CHN2: variants seen among roughly 807,000 people sequenced by gnomAD.
The protein encoded by CHN2 is chimerin 2.
A neutral mutation model predicts 56.3 loss-of-function variants in CHN2; 35 were observed. The observed-to-expected ratio is 0.62, with a 90% CI of 0.47 to 0.82. The LOEUF is 0.82. CHN2 is among the 40% of genes least tolerant of loss of function. CHN2 has a pLI of 0.00. For missense variants in CHN2, 491 were observed against 580.5 expected (o/e 0.85, Z 1.58); for synonymous variants, 210 against 212.8 (o/e 0.99, Z 0.12).
At chr7:29,477,189 C>T (rs1304534539) in intron 6 of CHN2, among the ~76,000 whole-genome samples, 1 of 152,130 alleles carries the variant, frequency 6.6e-6, no homozygotes, top group Non-Finnish European at 1.5e-5. Context: ...CAGTAATGCT[C>T]GCTCAAAGGC....
intron 1 of CHN2, among the ~76,000 whole-genome samples, chr7:29,206,318 A>G (rs979439049): frequency 1.3e-5 from 2 of 152,158 alleles, no homozygotes. Flanking sequence ...AAAAAACTCT[A>G]TCGCCCAGGC....
chr7:29,315,430 A>G (rs1013941921), intron 1 of CHN2, among the ~76,000 whole-genome samples: 2 of 152,232 alleles, frequency 1.3e-5, no homozygotes, highest in African/African-American at 4.8e-5. Context: ...GGAGTAATAC[A>G]TAGCTACAGT....
chr7:29,189,855 C>A (rs912761257), upstream of CHN2, among the ~76,000 whole-genome samples: 1 of 152,262 alleles, frequency 6.6e-6, no homozygotes, highest in East Asian at 1.9e-4. Context: ...GTGAGAAAGA[C>A]GATGCAGGAA....
intron 1 of CHN2, among the ~76,000 whole-genome samples, chr7:29,302,238 A>G (rs193173175): frequency 1.3e-5 from 2 of 151,682 alleles, no homozygotes; most frequent in East Asian, 3.9e-4. Context: ...TGCTGCAGCT[A>G]CTTCTGCTTC....
At chr7:29,512,500 A>G in intron 12 of CHN2, 64 bp from the exon 13 acceptor site, 1 of 1,419,280 alleles carries the variant, frequency 7.0e-7, no homozygotes, top group Non-Finnish European at 9.6e-7. Flanking sequence ...TACATACATA[A>G]TCAATACATA....
intron 6 of CHN2, among the ~76,000 whole-genome samples, chr7:29,477,747 G>A (rs909595736): frequency 1.3e-5 from 2 of 152,252 alleles, no homozygotes; most frequent in African/African-American, 4.8e-5. Context: ...TAAGAGAGTA[G>A]ACCCCTGGAG....
intron 2 of CHN2, among the ~76,000 whole-genome samples, chr7:29,364,128 GATA>G (rs1798954087): frequency 6.6e-6 from 1 of 152,170 alleles, no homozygotes; most frequent in Non-Finnish European, 1.5e-5. Context: ...TATCCAGAAT[GATA>G]ATGACACAAA....
intron 6 of CHN2, among the ~76,000 whole-genome samples, chr7:29,437,249 GA>G (rs1467211701): frequency 6.6e-6 from 1 of 152,182 alleles, no homozygotes; most frequent in Admixed American, 6.5e-5. Flanking sequence ...ATCTGTACCT[GA>G]CCTAGTAGAG....
At chr7:29,202,786 A>G (rs1167107707) in intron 1 of CHN2, among the ~76,000 whole-genome samples, 2 of 152,160 alleles carry the variant, frequency 1.3e-5, no homozygotes, top group Non-Finnish European at 2.9e-5. Context: ...GCGCTTCCTT[A>G]TTACTTCACA....
chr7:29,466,378 C>G (rs1437583495), intron 6 of CHN2, among the ~76,000 whole-genome samples: 1 of 152,076 alleles, frequency 6.6e-6, no homozygotes, highest in African/African-American at 2.4e-5. Flanking sequence ...ATTCATTATT[C>G]TTTTATCCCC....
At chr7:29,336,818 T>A (rs933164315) in intron 1 of CHN2, among the ~76,000 whole-genome samples, 2 of 146,934 alleles carry the variant, frequency 1.4e-5, no homozygotes, top group Non-Finnish European at 3.0e-5. Context: ...AAAGTCTCCT[T>A]GCTTCTCAGA....
At chr7:29,428,667 G>A (rs1386952278) in intron 6 of CHN2, among the ~76,000 whole-genome samples, 4 of 152,114 alleles carry the variant, frequency 2.6e-5, no homozygotes, top group African/African-American at 4.8e-5. Flanking sequence ...TTGGAAAAAC[G>A]TGACATAATG....
upstream of CHN2, chr7:29,192,516 C>A (rs1783020364): frequency 6.6e-6 from 1 of 152,170 alleles, no homozygotes; most frequent in South Asian, 2.1e-4. Flanking sequence ...TAAGACATTT[C>A]CCCCTAGTAG....
At chr7:29,153,075 A>G (rs1793830377) in intron 2 of CHN2, among the ~76,000 whole-genome samples, 1 of 152,236 alleles carries the variant, frequency 6.6e-6, no homozygotes, top group South Asian at 2.1e-4. Flanking sequence ...ATGTTGTAGC[A>G]CAGAACTTCA....
chr7:29,211,366 C>T (rs929987785), intron 1 of CHN2, among the ~76,000 whole-genome samples: 5 of 151,670 alleles, frequency 3.3e-5, no homozygotes, highest in Non-Finnish European at 5.9e-5. Context: ...GCGTGAGCCA[C>T]CGCGCCCGGC....
chr7:29,241,718 G>C (rs1159938332), intron 1 of CHN2, among the ~76,000 whole-genome samples: 1 of 152,128 alleles, frequency 6.6e-6, no homozygotes, highest in Non-Finnish European at 1.5e-5. Context: ...GTGCCAGGTA[G>C]TAGGTCCTGA....
At chr7:29,391,457 G>A (rs1444131262) in intron 3 of CHN2, among the ~76,000 whole-genome samples, 1 of 152,068 alleles carries the variant, frequency 6.6e-6, no homozygotes, top group African/African-American at 2.4e-5. Flanking sequence ...TTAAATTTCA[G>A]ATATACAAGG....
At chr7:29,413,745 G>T (rs535904817) in intron 6 of CHN2, among the ~76,000 whole-genome samples, 1 of 152,282 alleles carries the variant, frequency 6.6e-6, no homozygotes, top group East Asian at 1.9e-4. Context: ...GTCTGACTTC[G>T]AACAGGCTGT....
At chr7:29,410,891 A>C (rs1287819548) in intron 6 of CHN2, among the ~76,000 whole-genome samples, 1 of 152,206 alleles carries the variant, frequency 6.6e-6, no homozygotes, top group Non-Finnish European at 1.5e-5. Flanking sequence ...ATATTATCTA[A>C]AACTTTAAAA....
Sources: gnomAD v4.1 joint callset for allele counts (sites outside exome capture counted in the v4.1 genomes callset) on GRCh38, gnomAD v4.1.1 for gene constraint, MANE v1.5 for transcripts, NCBI Gene and HGNC (gene_info 2026-07-23, HGNC 2026-07-21) for gene names.